CDH1: variants seen among roughly 807,000 people sequenced by gnomAD.
CDH1 encodes cadherin-1.
Under a neutral mutation model 84.5 loss-of-function variants are expected in CDH1, and 35 were observed. The observed-to-expected ratio is 0.41, with a 90% confidence interval of 0.32 to 0.55. The LOEUF (loss-of-function observed/expected upper bound fraction) is 0.55. Ranked by LOEUF, CDH1 falls within the 20% of genes least tolerant of loss-of-function variation. The probability of loss-of-function intolerance (pLI) is 0.19; values close to 1 mark genes in which losing one functional copy is unlikely to be tolerated. For missense variants in CDH1, 994 were observed against 1,126.6 expected, an observed-to-expected ratio of 0.88 and a Z score of 1.68; for synonymous variants, 417 against 439.0, an observed-to-expected ratio of 0.95 and a Z score of 0.63.
intron 2 of CDH1, among the ~76,000 whole-genome samples, chr16:68,758,151 C>T (rs1358574683): frequency 6.7e-6 from 1 of 148,980 alleles, no homozygotes; most frequent in Admixed American, 6.7e-5. Context: ...TTTTTGTGTC[C>T]CTCCCCTCTA....
At chr16:68,760,266 A>ATTT (rs11396600) in intron 2 of CDH1, among the ~76,000 whole-genome samples, 1,114 of 97,898 alleles carry the variant, frequency 0.011, 24 homozygotes, top group East Asian at 0.063. Context: ...CGCCCAGCTA[A>ATTT]TTTTTTTTTT....
chr16:68,765,783 T>C (rs543755132), intron 2 of CDH1, among the ~76,000 whole-genome samples: 2 of 152,288 alleles, frequency 1.3e-5, no homozygotes, highest in South Asian at 2.1e-4. Context: ...ATGGGAAATT[T>C]CCCTGTCACA....
chr16:68,750,778 C>T (rs1044787259), intron 2 of CDH1, among the ~76,000 whole-genome samples: 2 of 150,752 alleles, frequency 1.3e-5, no homozygotes, highest in Admixed American at 1.3e-4. Flanking sequence ...CATCTTGGCT[C>T]ACTTCAGCCT....
Position 68,810,679 on chromosome 16 carries a change from C to T in CDH1, c.832+338C>T, listed in dbSNP as rs1178571153. Among the ~76,000 whole-genome samples the T allele has an allele frequency of 6.6e-5, 10 of 151,682 alleles. 1 individual carries two copies. Among genetic ancestry groups the T allele is most frequent in the Admixed American group, 6.6e-4 (10 of 15,222 alleles). On this transcript the variant is annotated intron_variant, in intron 6 of 15. Coordinates refer to ENST00000261769, the MANE Select transcript of CDH1 (RefSeq NM_004360.5). ...AGGAGTTCAAGACCAGCCTGACCAA[C>T]ATGGTGAAACCTCGTCTCTATTAAA...
chr16:68,792,958 A>T (rs1041263881), intron 2 of CDH1, among the ~76,000 whole-genome samples: 2 of 152,098 alleles, frequency 1.3e-5, no homozygotes, highest in Admixed American at 1.3e-4. Flanking sequence ...ACGATACATA[A>T]TTTGTTCTGG....
At chr16:68,792,323 A>T (rs1044703691) in intron 2 of CDH1, among the ~76,000 whole-genome samples, 1 of 149,660 alleles carries the variant, frequency 6.7e-6, no homozygotes, top group Non-Finnish European at 1.5e-5. Context: ...TCCGCCTCCC[A>T]GGTTCAAGCA....
Position 68,813,595 on chromosome 16 carries a change from G to T in CDH1, c.1320+100G>T, listed in dbSNP as rs757621835. On this transcript the variant is annotated intron_variant, in intron 9 of 15. Coordinates refer to ENST00000261769, the MANE Select transcript of CDH1 (RefSeq NM_004360.5). ...CTTAGAAGTAGATTCGCTTTGGCAG[G>T]GGGACAGGGTGACTTTCCCAGATTG... 6 of 1,216,754 alleles carry T rather than the reference G, an allele frequency of 4.9e-6. No individual in the cohort carries two copies. The South Asian group carries it at 6.1e-5, about 12-fold the overall frequency. 75.4% of individuals were successfully genotyped at this position (1,216,754 alleles called of 1,614,324 possible). A position where few individuals can be genotyped will look rare whatever the true frequency, so the allele number is the denominator to read the frequency against.
chr16:68,757,328 A>G (rs9646283), intron 2 of CDH1, among the ~76,000 whole-genome samples: 44,064 of 152,084 alleles, frequency 0.29, 6,456 homozygotes, highest in African/African-American at 0.31. Context: ...TGATCCGCCC[A>G]CCTTGGCCTC....
chr16:68,747,015 T>C (rs1962762615), intron 2 of CDH1, among the ~76,000 whole-genome samples: 1 of 152,014 alleles, frequency 6.6e-6, no homozygotes, highest in Admixed American at 6.6e-5. Flanking sequence ...CCCAGAGAAG[T>C]ATCCAGTGCA....
chr16:68,829,206 C>G (rs1961410932), intron 14 of CDH1, among the ~76,000 whole-genome samples: 1 of 152,298 alleles, frequency 6.6e-6, no homozygotes, highest in Non-Finnish European at 1.5e-5. Context: ...GTGTCCAGGT[C>G]TGTTCCATGC....
chr16:68,760,075 C>CATAT (rs71382069), intron 2 of CDH1, among the ~76,000 whole-genome samples: 5,144 of 127,418 alleles, frequency 0.04, 122 homozygotes, highest in Middle Eastern at 0.12. Flanking sequence ...TAAAGTATTC[C>CATAT]ATATATATAT....
rs1323169351 is a variant in CDH1 at position 68,820,352 on chromosome 16, A to ATT, written c.1711+942_1711+943dup. The stretch of plus-strand genomic sequence containing the variant: ...TGTGTGACCTTGGATTTGCTGTTTA[A>ATT]TTTTTTTTTTTTTTTTGAGACAGAG... On this transcript the variant is annotated intron_variant, in intron 11 of 15. Transcript: ENST00000261769. 6.5e-3 allele frequency among the ~76,000 whole-genome samples: 902 copies of ATT among 138,800 alleles called. 16 individuals are homozygous for ATT. The highest frequency in any genetic ancestry group is 0.022 in the African/African-American group (850 of 38,032). The allele number at this position is 138,800 out of a possible 152,430, so 91.1% of individuals were successfully genotyped here. A position where few individuals can be genotyped will look rare whatever the true frequency, so the allele number is the denominator to read the frequency against.
intron 2 of CDH1, among the ~76,000 whole-genome samples, chr16:68,795,215 G>T (rs1960325861): frequency 6.6e-6 from 1 of 152,160 alleles, no homozygotes; most frequent in Non-Finnish European, 1.5e-5. Context: ...GATCTTATAG[G>T]CAGCAGTATC....
intron 13 of CDH1, 93 bp from the exon 14 acceptor site, chr16:68,828,081 G>A (rs1961367767): frequency 6.9e-7 from 1 of 1,443,990 alleles, no homozygotes; most frequent in East Asian, 2.3e-5. Flanking sequence ...ACTGCCCCCT[G>A]TCTGGTATGA....
At chr16:68,796,391 A>T (rs1960361619) in intron 2 of CDH1, among the ~76,000 whole-genome samples, 2 of 152,082 alleles carry the variant, frequency 1.3e-5, no homozygotes, top group Admixed American at 6.5e-5. Context: ...TTAAATCCCA[A>T]CATCGTCTGA....
At chr16:68,815,088 G>A (rs1372654645) in intron 9 of CDH1, among the ~76,000 whole-genome samples, 2 of 152,010 alleles carry the variant, frequency 1.3e-5, no homozygotes, top group Non-Finnish European at 2.9e-5. Flanking sequence ...TTAGCCAGGT[G>A]TGGTGGCGGG....
At chr16:68,799,988 C>A (rs1280126140) in intron 2 of CDH1, among the ~76,000 whole-genome samples, 2 of 147,712 alleles carry the variant, frequency 1.4e-5, no homozygotes, top group East Asian at 2.0e-4. Flanking sequence ...CCAGCCTCGG[C>A]AACAGAGCGA....
At chr16:68,802,658 G>T (rs1346056222) in intron 3 of CDH1, among the ~76,000 whole-genome samples, 1 of 151,948 alleles carries the variant, frequency 6.6e-6, no homozygotes, top group Admixed American at 6.6e-5. Flanking sequence ...TTTAGTAGAG[G>T]CAGGGTTTCA....
chr16:68,798,911 A>G (rs1960428752), intron 2 of CDH1, among the ~76,000 whole-genome samples: 1 of 152,194 alleles, frequency 6.6e-6, no homozygotes, highest in Non-Finnish European at 1.5e-5. Context: ...TCATCATCTT[A>G]TGGCTCAGCT....
Sources: allele counts gnomAD v4.1 joint callset (sites outside exome capture counted in the v4.1 genomes callset), GRCh38; gene constraint gnomAD v4.1.1; transcripts MANE v1.5; gene names NCBI Gene and HGNC (gene_info 2026-07-23, HGNC 2026-07-21).